The following PDE1A variants were observed in gnomAD, a reference collection of about 807,000 sequenced individuals.
PDE1A encodes the protein phosphodiesterase 1A.
PDE1A carries 35 observed loss-of-function variants against 61.7 expected under a neutral mutation model. The ratio of observed to expected loss-of-function variants is 0.57; its 90% confidence interval spans 0.43 to 0.75. PDE1A has a LOEUF of 0.75. Among genes scored for constraint, PDE1A ranks in the 30% least tolerant of loss-of-function variants. The probability of loss-of-function intolerance (pLI) is 0.00; values close to 1 mark genes in which losing one functional copy is unlikely to be tolerated. For missense variants in PDE1A, 597 were observed against 630.6 expected (o/e 0.95, Z 0.57); for synonymous variants, 232 against 213.2 (o/e 1.09, Z -0.77).
upstream of PDE1A, among the ~76,000 whole-genome samples, chr2:182,526,863 G>A (rs1399082580): frequency 6.6e-6 from 1 of 152,002 alleles, no homozygotes; most frequent in East Asian, 1.9e-4. Context: ...AGAGTCACTA[G>A]ACAAAAACTA....
intron 3 of PDE1A, among the ~76,000 whole-genome samples, chr2:182,238,259 A>C (rs189723966): frequency 9.6e-5 from 13 of 134,814 alleles, no homozygotes; most frequent in Admixed American, 8.1e-4. Flanking sequence ...ACAGAGCCAG[A>C]CTACGTCAAA....
chr2:182,598,406 T>C, the PDE1A span, among the ~76,000 whole-genome samples: 2 of 152,242 alleles, frequency 1.3e-5, no homozygotes, highest in African/African-American at 2.4e-5. Flanking sequence ...ACCCTGTCTC[T>C]ACTAAAAATC....
chr2:182,355,746 G>C (rs1219546527), intron 1 of PDE1A, among the ~76,000 whole-genome samples: 2 of 152,064 alleles, frequency 1.3e-5, no homozygotes, highest in Non-Finnish European at 2.9e-5. Context: ...CAGCAATGCT[G>C]TTTCTATGAC....
chr2:182,425,399 T>C (rs987222406), intron 1 of PDE1A, among the ~76,000 whole-genome samples: 1 of 152,196 alleles, frequency 6.6e-6, no homozygotes, highest in Non-Finnish European at 1.5e-5. Context: ...GATTTTTGGT[T>C]ATTTACCAAC....
At chr2:182,175,572 T>G (rs35061201) in intron 13 of PDE1A, among the ~76,000 whole-genome samples, 26,422 of 114,356 alleles carry the variant, frequency 0.23, 3,309 homozygotes, top group African/African-American at 0.34. Flanking sequence ...TCATTGTAGA[T>G]TCTGGATATT....
the PDE1A span, among the ~76,000 whole-genome samples, chr2:182,635,555 T>C: frequency 6.6e-6 from 1 of 152,200 alleles, no homozygotes. Flanking sequence ...CTTATGGACT[T>C]GAACAGGTTT....
At chr2:182,409,359 C>T (rs141483056) in intron 1 of PDE1A, among the ~76,000 whole-genome samples, 2,087 of 152,030 alleles carry the variant, frequency 0.014, 20 homozygotes, top group Middle Eastern at 0.034. Flanking sequence ...TAAATAAGGC[C>T]CAAGCCTTTA....
the PDE1A span, among the ~76,000 whole-genome samples, chr2:182,698,078 C>T: frequency 6.6e-6 from 1 of 152,176 alleles, no homozygotes; most frequent in Non-Finnish European, 1.5e-5. Flanking sequence ...AGAAGAGCAG[C>T]ATTGAAGGTT....
intron 1 of PDE1A, among the ~76,000 whole-genome samples, chr2:182,348,947 C>T (rs552439666): frequency 2.0e-5 from 3 of 152,094 alleles, no homozygotes; most frequent in African/African-American, 4.8e-5. Flanking sequence ...TTTGAATTTC[C>T]GTAAAAAGTG....
Position 182,412,292 on chromosome 2 carries a change from A to G in PDE1A, c.53+14286T>C, listed in dbSNP as rs977782230. Among the ~76,000 whole-genome samples, 12 of 152,308 alleles carry G rather than the reference A, an allele frequency of 7.9e-5. No individual in the cohort carries two copies. In the South Asian group the frequency reaches 2.5e-3, roughly 32 times the overall value. ...ACAGCTATCCAAATTTTTAGTTTCC[A>G]GAAATGACTACTCCAAGATCCCACC... On this transcript the variant is annotated intron_variant, in intron 1 of 13. Transcript: ENST00000351439.
chr2:182,251,624 T>C (rs1691410409), intron 2 of PDE1A, among the ~76,000 whole-genome samples: 1 of 152,194 alleles, frequency 6.6e-6, no homozygotes, highest in Admixed American at 6.5e-5. Flanking sequence ...GAGAACACTG[T>C]TCTCCTTCAT....
chr2:182,238,690 T>C (rs977490322), intron 3 of PDE1A, among the ~76,000 whole-genome samples: 2 of 152,238 alleles, frequency 1.3e-5, no homozygotes, highest in Non-Finnish European at 2.9e-5. Context: ...TATTTCTATA[T>C]GTTCTTAGCA....
chr2:182,464,524 T>C (rs1252098474), intron 2 of PDE1A, among the ~76,000 whole-genome samples: 3 of 152,176 alleles, frequency 2.0e-5, no homozygotes, highest in Non-Finnish European at 2.9e-5. Flanking sequence ...CAACCTCTTA[T>C]TTCTATTCTA....
intron 13 of PDE1A, among the ~76,000 whole-genome samples, chr2:182,156,557 G>A (rs963118469): frequency 6.6e-6 from 1 of 152,072 alleles, no homozygotes; most frequent in African/African-American, 2.4e-5. Context: ...TTTCCAGTTG[G>A]GAAATGTGGA....
chr2:182,208,622 G>A lies in PDE1A; in HGVS notation c.777-2557C>T, dbSNP rs1687316597. Among the ~76,000 whole-genome samples, 3 of 152,188 alleles carry A rather than the reference G, an allele frequency of 2.0e-5. No individual in the cohort carries two copies. In the South Asian group the frequency reaches 6.2e-4, roughly 32 times the overall value. On this transcript the variant is annotated intron_variant, in intron 7 of 13. Transcript: ENST00000351439. ...GCACATGGAAAAGCCACAGGCACTG[G>A]ACGCCAGCCAGTGAAAGCAGCCATG... is the stretch of plus-strand genomic sequence containing the variant.
the PDE1A span, among the ~76,000 whole-genome samples, chr2:182,577,034 C>T: frequency 6.6e-6 from 1 of 152,116 alleles, no homozygotes; most frequent in Non-Finnish European, 1.5e-5. Flanking sequence ...CCATGAGTTG[C>T]TTTCTCTATT....
chr2:182,601,557 G>A, the PDE1A span, among the ~76,000 whole-genome samples: 184 of 152,302 alleles, frequency 1.2e-3, no homozygotes, highest in South Asian at 1.7e-3. Flanking sequence ...TTCTTGTCCT[G>A]TGACCAGGAA....
At chr2:182,351,674 G>A (rs1038860611) in intron 1 of PDE1A, among the ~76,000 whole-genome samples, 8 of 152,136 alleles carry the variant, frequency 5.3e-5, no homozygotes, top group African/African-American at 1.4e-4. Flanking sequence ...GCACTTTACC[G>A]TGACATTTGT....
intron 13 of PDE1A, among the ~76,000 whole-genome samples, chr2:182,152,958 G>T (rs1199191582): frequency 6.6e-6 from 1 of 151,978 alleles, no homozygotes; most frequent in African/African-American, 2.4e-5. Context: ...CAAGAAATAG[G>T]TAAATTATGT....
Sources: gnomAD v4.1 joint callset for allele counts (sites outside exome capture counted in the v4.1 genomes callset) on GRCh38, gnomAD v4.1.1 for gene constraint, MANE v1.5 for transcripts, NCBI Gene and HGNC (gene_info 2026-07-23, HGNC 2026-07-21) for gene names.